OTUD7A: variants seen among roughly 807,000 people sequenced by gnomAD.
OTUD7A encodes the protein OTU domain-containing protein 7A.
A neutral mutation model predicts 65.7 loss-of-function variants in OTUD7A; 12 were observed. The observed-to-expected ratio is 0.18, with a 90% CI of 0.12 to 0.30. The LOEUF is 0.30. OTUD7A is among the 10% of genes least tolerant of loss of function. The pLI, the probability that OTUD7A is intolerant of heterozygous loss-of-function variation, is 1.00. For missense variants in OTUD7A, 1,148 were observed against 1,304.8 expected (o/e 0.88, Z 1.85); for synonymous variants, 641 against 586.3 (o/e 1.09, Z -1.35).
chr15:31,851,502 A>C (rs1053361561), intron 1 of OTUD7A, among the ~76,000 whole-genome samples: 4 of 152,230 alleles, frequency 2.6e-5, no homozygotes, highest in African/African-American at 9.6e-5. Context: ...AAGTAACCCA[A>C]AAAGATCAAG....
intron 3 of OTUD7A, among the ~76,000 whole-genome samples, chr15:31,570,745 GC>G (rs1343942637): frequency 1.3e-5 from 2 of 152,172 alleles, no homozygotes; most frequent in African/African-American, 2.4e-5. Flanking sequence ...CAGGTGTGAT[GC>G]CAGGCTGGGC....
At chr15:31,835,276 G>A (rs1897026621) in intron 1 of OTUD7A, among the ~76,000 whole-genome samples, 1 of 152,200 alleles carries the variant, frequency 6.6e-6, no homozygotes, top group Non-Finnish European at 1.5e-5. Flanking sequence ...GAATATTTTA[G>A]TATAACCATG....
At position 31,481,539 on chromosome 15, in the gene OTUD7A, G is replaced by A. The variant is rs1277120705; in HGVS notation, c.*1755C>T. 3 of 141,486 alleles carry A rather than the reference G, an allele frequency of 2.1e-5. 1 individual carries two copies. The highest frequency in any genetic ancestry group is 7.4e-5 in the African/African-American group (3 of 40,744). The allele number at this position is 141,486 out of a possible 1,614,324, so 8.8% of individuals were successfully genotyped here. A position where few individuals can be genotyped will look rare whatever the true frequency, so the allele number is the denominator to read the frequency against. On this transcript the variant is annotated 3_prime_UTR_variant, in exon 13 of 13. Transcript: ENST00000307050. Reference sequence around the variant, plus strand: ...CACACATTGAAAATATTGTTCAGCAGGAAAAGTAAAACTTTCAAAAAATTT... The same window carrying A: ...CACACATTGAAAATATTGTTCAGCAAGAAAAGTAAAACTTTCAAAAAATTT...
chr15:31,855,059 CAT>C (rs1362249274), intron 1 of OTUD7A, among the ~76,000 whole-genome samples: 10 of 151,854 alleles, frequency 6.6e-5, no homozygotes, highest in Admixed American at 5.9e-4. Flanking sequence ...AAACAATGTG[CAT>C]ATAATTAACA....
chr15:31,580,149 C>T (rs926575457), intron 3 of OTUD7A, among the ~76,000 whole-genome samples: 3 of 152,066 alleles, frequency 2.0e-5, no homozygotes, highest in East Asian at 1.9e-4. Flanking sequence ...CAGAAAGTTG[C>T]GTCTGGATAA....
At position 31,483,955 on chromosome 15, in the gene OTUD7A, T is replaced by C; in HGVS notation, c.2141A>G (p.Glu714Gly). 8.9e-7 allele frequency: 1 copy of C among 1,125,018 alleles called. No individual in the cohort carries two copies. Among genetic ancestry groups the C allele is most frequent in the South Asian group, 2.6e-5 (1 of 37,910 alleles). The allele number at this position is 1,125,018 out of a possible 1,614,324, so 69.7% of individuals were successfully genotyped here. A position where few individuals can be genotyped will look rare whatever the true frequency, so the allele number is the denominator to read the frequency against. Residue 714 changes from glutamate (E) to glycine (G), a missense_variant, in exon 13 of 13, where the codon GAG becomes GGG. Transcript: ENST00000307050. Reference sequence around the variant, plus strand: ...CGTGGGTGGGCCCGGAGAGGCGCGCTCCGGGACCGGCACGCCCTCCGTCTC... The same window carrying C: ...CGTGGGTGGGCCCGGAGAGGCGCGCCCCGGGACCGGCACGCCCTCCGTCTC... ...RPETEGVPVPERASPGPPTQL... is the reference protein window; with the variant it reads ...RPETEGVPVPGRASPGPPTQL...
At position 31,650,192 on chromosome 15, in the gene OTUD7A, G is replaced by A. The variant is rs983776735; in HGVS notation, c.151+4904C>T. On this transcript the variant is annotated intron_variant, in intron 3 of 12. Transcript: ENST00000307050. Reference sequence around the variant, plus strand: ...AGAGAGTCTGAGGTCCCCAGAGGGTGGGGAAACCTTCATGCTTTTTCTCTC... The same window carrying A: ...AGAGAGTCTGAGGTCCCCAGAGGGTAGGGAAACCTTCATGCTTTTTCTCTC... Among the ~76,000 whole-genome samples the A allele has an allele frequency of 4.7e-5, 4 of 84,284 alleles. 1 individual carries two copies. The highest frequency in any genetic ancestry group is 3.1e-4 in the African/African-American group (4 of 13,066). 55.3% of individuals were successfully genotyped at this position (84,284 alleles called of 152,430 possible).
chr15:31,847,553 G>C (rs1276352726), intron 1 of OTUD7A, among the ~76,000 whole-genome samples: 1 of 152,136 alleles, frequency 6.6e-6, no homozygotes, highest in Non-Finnish European at 1.5e-5. Flanking sequence ...GGCTCTGTGG[G>C]GGCACTGAAG....
chr15:31,528,365 A>C (rs1015449291), intron 6 of OTUD7A, among the ~76,000 whole-genome samples: 1 of 152,162 alleles, frequency 6.6e-6, no homozygotes, highest in Non-Finnish European at 1.5e-5. Flanking sequence ...AAAAGGCAAG[A>C]GGGAAAGGTG....
intron 1 of OTUD7A, among the ~76,000 whole-genome samples, chr15:31,811,242 T>C (rs574260432): frequency 6.6e-6 from 1 of 151,914 alleles, no homozygotes; most frequent in Non-Finnish European, 1.5e-5. Flanking sequence ...TGGAAAGAGG[T>C]AGACAGAGGG....
At chr15:31,792,196 C>T (rs1465069470) in intron 1 of OTUD7A, among the ~76,000 whole-genome samples, 2 of 152,192 alleles carry the variant, frequency 1.3e-5, no homozygotes, top group Non-Finnish European at 2.9e-5. Context: ...CATCTCTCTG[C>T]CACTTTATTT....
At chr15:31,669,334 G>C (rs181326786) in intron 1 of OTUD7A, among the ~76,000 whole-genome samples, 5 of 152,304 alleles carry the variant, frequency 3.3e-5, no homozygotes, top group South Asian at 2.1e-4. Flanking sequence ...AGGCTGCTGT[G>C]GGGGATGGGG....
intron 2 of OTUD7A, among the ~76,000 whole-genome samples, chr15:31,655,556 AAGAC>A (rs1172419609): frequency 5.3e-5 from 8 of 152,068 alleles, no homozygotes; most frequent in African/African-American, 1.9e-4. Context: ...GTGATGGAGA[AAGAC>A]AGTGCCATCT....
intron 1 of OTUD7A, among the ~76,000 whole-genome samples, chr15:31,833,420 G>C (rs1417545924): frequency 6.6e-6 from 1 of 152,240 alleles, no homozygotes; most frequent in Non-Finnish European, 1.5e-5. Flanking sequence ...CAGAAGGTAA[G>C]AAGCAGAGAA....
At chr15:31,521,732 G>A (rs2041940224) in intron 8 of OTUD7A, among the ~76,000 whole-genome samples, 1 of 152,200 alleles carries the variant, frequency 6.6e-6, no homozygotes, top group South Asian at 2.1e-4. Flanking sequence ...CACATTGTCA[G>A]TGAAATTTCA....
chr15:31,599,256 G>C (rs776251568), intron 3 of OTUD7A, among the ~76,000 whole-genome samples: 2 of 152,222 alleles, frequency 1.3e-5, no homozygotes, highest in South Asian at 4.1e-4. Flanking sequence ...ATACAGGAGA[G>C]CTCTGGCTGG....
chr15:31,844,604 T>C (rs1897257062), intron 1 of OTUD7A, among the ~76,000 whole-genome samples: 1 of 152,252 alleles, frequency 6.6e-6, no homozygotes, highest in South Asian at 2.1e-4. Context: ...GCTGTGAAGA[T>C]ACCTGCCTGT....
At chr15:31,728,545 A>G (rs898597109) in intron 1 of OTUD7A, among the ~76,000 whole-genome samples, 5 of 152,184 alleles carry the variant, frequency 3.3e-5, no homozygotes, top group Non-Finnish European at 5.9e-5. Flanking sequence ...CTCTCTACGC[A>G]TGACCTTTCT....
rs1473004706 is a variant in OTUD7A at position 31,511,034 on chromosome 15, T to C, written c.894-7216A>G. Among the ~76,000 whole-genome samples the C allele has an allele frequency of 5.0e-5, 2 of 39,644 alleles. 1 individual carries two copies. Among genetic ancestry groups the C allele is most frequent in the Non-Finnish European group, 8.2e-5 (2 of 24,390 alleles). 26.0% of individuals were successfully genotyped at this position (39,644 alleles called of 152,430 possible). A position where few individuals can be genotyped will look rare whatever the true frequency, so the allele number is the denominator to read the frequency against. ...TGTAACATACATGTATATCTATATG[T>C]AACATACATGTATATCTATATGTAA... On this transcript the variant is annotated intron_variant, in intron 8 of 12. Coordinates refer to ENST00000307050, the MANE Select transcript of OTUD7A (RefSeq NM_001382637.1).
Sources: gnomAD v4.1 joint callset for allele counts (sites outside exome capture counted in the v4.1 genomes callset) on GRCh38, gnomAD v4.1.1 for gene constraint, MANE v1.5 for transcripts, NCBI Gene and HGNC (gene_info 2026-07-23, HGNC 2026-07-21) for gene names.